Variants in BCAS1 observed in about 807,000 individuals in gnomAD.
BCAS1 encodes the protein brain enriched myelin associated protein 1, also known as breast carcinoma-amplified sequence 1.
Under a neutral mutation model 65.4 loss-of-function variants are expected in BCAS1, and 46 were observed. The ratio of observed to expected loss-of-function variants is 0.70; its 90% CI spans 0.55 to 0.90. BCAS1 has a LOEUF of 0.90. BCAS1 is among the 40% of genes least tolerant of loss of function. BCAS1 has a pLI of 0.00. For missense variants in BCAS1, 793 were observed against 771.2 expected, an observed-to-expected ratio of 1.03 and a Z score of -0.33; for synonymous variants, 298 against 293.5, an observed-to-expected ratio of 1.02 and a Z score of -0.16.
intron 4 of BCAS1, among the ~76,000 whole-genome samples, chr20:54,018,728 A>T (rs879529842): frequency 6.6e-6 from 1 of 152,198 alleles, no homozygotes; most frequent in East Asian, 1.9e-4. Context: ...TCAAATTCTG[A>T]TAAGTGCTAT....
rs1237856923 is a variant in BCAS1 at position 54,018,433 on chromosome 20, G to A, written c.723+9959C>T. ...TTTTTTTTTTTCGAGACAGAGTCTC[G>A]CTCTGTCATTCTCCTGCCTCAGCCT... On this transcript the variant is annotated intron_variant, in intron 4 of 12. Transcript: ENST00000688948. Among the ~76,000 whole-genome samples, 67 of 142,402 alleles carry A rather than the reference G, an allele frequency of 4.7e-4. 1 individual carries two copies. The highest frequency in any genetic ancestry group is 2.2e-4 in the South Asian group (1 of 4,550). The allele number at this position is 142,402 out of a possible 152,430, so 93.4% of individuals were successfully genotyped here. A position where few individuals can be genotyped will look rare whatever the true frequency, so the allele number is the denominator to read the frequency against.
intron 3 of BCAS1, among the ~76,000 whole-genome samples, chr20:54,054,639 G>A (rs997491740): frequency 2.0e-5 from 3 of 152,146 alleles, no homozygotes; most frequent in South Asian, 2.1e-4. Context: ...TTGCTACCTC[G>A]GGATTAACTG....
intron 3 of BCAS1, among the ~76,000 whole-genome samples, chr20:54,042,054 T>C (rs11905945): frequency 0.18 from 27,886 of 152,022 alleles, 2,643 homozygotes; most frequent in East Asian, 0.32. Flanking sequence ...ACTTCTAAAA[T>C]GTTATCCTAG....
chr20:54,060,224 T>G (rs1006426917), intron 1 of BCAS1, among the ~76,000 whole-genome samples: 9 of 152,234 alleles, frequency 5.9e-5, no homozygotes, highest in African/African-American at 2.2e-4. Flanking sequence ...GAGTTAATGC[T>G]TGTGACGTGG....
chr20:54,028,237 T>C, intron 4 of BCAS1, 155 bp downstream of exon 4: 1 of 719,176 alleles, frequency 1.4e-6, no homozygotes, highest in South Asian at 1.7e-5. Context: ...AACATCAGGA[T>C]GACACTCTGC....
intron 1 of BCAS1, among the ~76,000 whole-genome samples, chr20:54,063,483 G>C (rs1295516911): frequency 6.6e-6 from 1 of 152,182 alleles, no homozygotes; most frequent in Non-Finnish European, 1.5e-5. Context: ...GAGGAATCCA[G>C]CAACATTTCT....
intron 4 of BCAS1, among the ~76,000 whole-genome samples, chr20:54,002,542 G>C (rs1201924378): frequency 6.6e-6 from 1 of 152,128 alleles, no homozygotes; most frequent in Non-Finnish European, 1.5e-5. Flanking sequence ...TGAATCTTGA[G>C]CTACATTATC....
intron 11 of BCAS1, 108 bp downstream of exon 11, chr20:53,957,324 G>C (rs1382346906): frequency 4.0e-6 from 4 of 996,694 alleles, no homozygotes; most frequent in Non-Finnish European, 6.4e-6. Flanking sequence ...TTAATCCTGA[G>C]ATATTAAATG....
intron 11 of BCAS1, among the ~76,000 whole-genome samples, chr20:53,955,430 C>T (rs4809947): frequency 0.43 from 65,716 of 152,148 alleles, 16,948 homozygotes; most frequent in East Asian, 0.7. Context: ...GAAACAGAAA[C>T]TCTCACCACA....
Position 54,067,973 on chromosome 20 carries a change from A to C in BCAS1, c.-6+2460T>G, listed in dbSNP as rs190479742. Among the ~76,000 whole-genome samples the C allele has an allele frequency of 1.5e-3, 222 of 152,360 alleles. 1 individual carries two copies. The highest frequency in any genetic ancestry group is 3.1e-3 in the South Asian group (15 of 4,832). ...TAAAGACCTTGCAGGAGGAAAGAAC[A>C]ACCCCGCTTTGCCTGCCCCACAGTC... On this transcript the variant is annotated intron_variant, in intron 1 of 12. Coordinates refer to ENST00000688948, the MANE Select transcript of BCAS1 (RefSeq NM_001366298.2).
chr20:53,997,916 G>T (rs914843095), intron 4 of BCAS1, among the ~76,000 whole-genome samples: 27 of 152,142 alleles, frequency 1.8e-4, no homozygotes, highest in African/African-American at 6.5e-4. Flanking sequence ...TCCCCGTGTA[G>T]TCCTTCCTTT....
intron 3 of BCAS1, among the ~76,000 whole-genome samples, chr20:54,047,846 A>T (rs2092138547): frequency 6.6e-6 from 1 of 152,218 alleles, no homozygotes. Flanking sequence ...CTGGGGTTTA[A>T]ATACCCTCTA....
chr20:54,018,044 G>A (rs1043604352), intron 4 of BCAS1, among the ~76,000 whole-genome samples: 2 of 152,166 alleles, frequency 1.3e-5, no homozygotes, highest in Non-Finnish European at 2.9e-5. Flanking sequence ...AATGCTGCCA[G>A]AATTAGGTTG....
intron 1 of BCAS1, among the ~76,000 whole-genome samples, chr20:54,068,994 C>G (rs1451772733): frequency 6.6e-6 from 1 of 152,104 alleles, no homozygotes; most frequent in African/African-American, 2.4e-5. Context: ...ATGCCTTTTT[C>G]CTAAAAACAA....
Position 53,944,664 on chromosome 20 carries a change from CT to C in BCAS1, c.*257del. ...CACATTCCTCTATTCCCTCCCTTTCCTGCTTGGTGATCATCGACTCTTCTGA... is the reference window on the plus strand; with the variant it reads ...CACATTCCTCTATTCCCTCCCTTTCCGCTTGGTGATCATCGACTCTTCTGA... On this transcript the variant is annotated 3_prime_UTR_variant, in exon 13 of 13. Transcript: ENST00000688948. 1 of 449,626 alleles carries C rather than the reference CT, an allele frequency of 2.2e-6. No individual in the cohort carries two copies. The highest frequency in any genetic ancestry group is 2.4e-5 in the South Asian group (1 of 41,888). The allele number at this position is 449,626 out of a possible 1,614,324, so 27.9% of individuals were successfully genotyped here. A position where few individuals can be genotyped will look rare whatever the true frequency, so the allele number is the denominator to read the frequency against.
intron 4 of BCAS1, among the ~76,000 whole-genome samples, chr20:54,011,270 C>A (rs1332369314): frequency 6.6e-6 from 1 of 151,912 alleles, no homozygotes; most frequent in East Asian, 1.9e-4. Context: ...TGTAAAAGAT[C>A]CTGTTAAAAA....
chr20:54,021,571 T>TC (rs1158105224), intron 4 of BCAS1, among the ~76,000 whole-genome samples: 1 of 151,686 alleles, frequency 6.6e-6, no homozygotes, highest in African/African-American at 2.4e-5. Flanking sequence ...CAAGATCATG[T>TC]CCTTTGCAGG....
At chr20:53,953,090 C>A (rs1248751732) in intron 12 of BCAS1, among the ~76,000 whole-genome samples, 1 of 152,176 alleles carries the variant, frequency 6.6e-6, no homozygotes, top group Non-Finnish European at 1.5e-5. Flanking sequence ...GTGATGATGA[C>A]GATTACTTCT....
At chr20:54,014,781 G>A (rs761989844) in intron 4 of BCAS1, among the ~76,000 whole-genome samples, 2 of 152,156 alleles carry the variant, frequency 1.3e-5, no homozygotes, top group Admixed American at 6.6e-5. Flanking sequence ...AGAATATCAC[G>A]CGAGCACAGA....
Sources: gnomAD v4.1 joint callset for allele counts (sites outside exome capture counted in the v4.1 genomes callset) on GRCh38, gnomAD v4.1.1 for gene constraint, MANE v1.5 for transcripts, NCBI Gene and HGNC (gene_info 2026-07-23, HGNC 2026-07-21) for gene names.